The following DENND2B variants were observed in gnomAD, a reference collection of about 807,000 sequenced individuals.
The protein encoded by DENND2B is DENN domain-containing protein 2B.
Under a neutral mutation model 116.0 loss-of-function variants are expected in DENND2B, and 32 were observed. That is an observed-to-expected ratio of 0.28 (90% confidence interval 0.21 to 0.37). DENND2B has a LOEUF of 0.37. Among genes scored for constraint, DENND2B ranks in the 10% least tolerant of loss-of-function variants. The probability of loss-of-function intolerance (pLI) is 1.00; values close to 1 mark genes in which losing one functional copy is unlikely to be tolerated. For synonymous variants in DENND2B, 588 were observed against 583.9 expected, an observed-to-expected ratio of 1.01 and a Z score of -0.10; for missense variants, 1,276 against 1,477.7, an observed-to-expected ratio of 0.86 and a Z score of 2.24.
chr11:8,766,236 G>A (rs565687368), intron 1 of DENND2B, among the ~76,000 whole-genome samples: 6 of 152,248 alleles, frequency 3.9e-5, no homozygotes, highest in Admixed American at 3.3e-4. Context: ...GTGGGCAGGA[G>A]TCAACATTCA....
rs1216985764 is a variant in DENND2B at position 8,707,786 on chromosome 11, C to G, written c.2421G>C (p.Leu807Phe). ...TGCCAGAGCCTCTTACCTTGGAAAA[C>G]AAGCCGAAGCAGCCAAGGCGGCTGA... ...CVISRLGCFG[L>F]FSKVLDEVER... Residue 807 changes from leucine to phenylalanine, a missense_variant, in exon 12 of 20, where the codon TTG becomes TTC. Transcript: ENST00000313726. The surrounding 1 kb of genome is among the most constrained non-coding windows in gnomAD (Gnocchi z 4.8). The G allele has an allele frequency of 6.2e-7, 1 of 1,608,690 alleles. No individual in the cohort carries two copies. Among genetic ancestry groups the G allele is most frequent in the African/African-American group, 1.3e-5 (1 of 74,900 alleles).
At chr11:8,696,751 C>T in intron 17 of DENND2B, 85 bp from the exon 18 acceptor site, 1 of 1,552,678 alleles carries the variant, frequency 6.4e-7, no homozygotes, top group Non-Finnish European at 8.7e-7. Context: ...CTTCCTCTCC[C>T]CAACAAGACT....
At chr11:8,854,673 C>T (rs2063133099) in intron 3 of DENND2B, among the ~76,000 whole-genome samples, 1 of 152,132 alleles carries the variant, frequency 6.6e-6, no homozygotes, top group Non-Finnish European at 1.5e-5. Flanking sequence ...CCCAGGAGTT[C>T]AAGACCAGCC....
At chr11:8,711,988 A>G (rs1245106842) in intron 9 of DENND2B, 1 of 455,780 alleles carries the variant, frequency 2.2e-6, no homozygotes, top group African/African-American at 2.0e-5. Flanking sequence ...AGAGCCTGAG[A>G]AATGAGAAGG....
At chr11:8,862,205 A>G (rs2063416800) in intron 2 of DENND2B, among the ~76,000 whole-genome samples, 2 of 152,122 alleles carry the variant, frequency 1.3e-5, no homozygotes, top group Non-Finnish European at 2.9e-5. Context: ...TTTTTAAAAT[A>G]TAATAATAAT....
intron 1 of DENND2B, among the ~76,000 whole-genome samples, chr11:8,769,040 G>C (rs1454299343): frequency 1.3e-5 from 2 of 152,044 alleles, no homozygotes. Flanking sequence ...ATGTGGCTTA[G>C]AAGGGCCACA....
intron 1 of DENND2B, chr11:8,794,769 T>A (rs2059670187): frequency 6.6e-6 from 1 of 152,278 alleles, no homozygotes; most frequent in Middle Eastern, 3.2e-3. Flanking sequence ...CAAGGTCACC[T>A]GCTCAGGCAG....
chr11:8,714,649 T>G lies in DENND2B; in HGVS notation c.1903A>C (p.Lys635Gln), dbSNP rs1281100469. The change falls in exon 7 of 20, where the codon AAG becomes CAG. Residue 635 changes from lysine to glutamine, a missense_variant. Coordinates refer to ENST00000313726, the MANE Select transcript of DENND2B (RefSeq NM_213618.2). ...NAKRGKKRLK[K>Q]LSMSSIETAS... ...GTTTCAATGCTGGACATAGACAACT[T>G]TTTTAATCTCTTCTTTCCTCTCTTG... 6.2e-7 allele frequency: 1 copy of G among 1,614,108 alleles called. No homozygotes were observed. The highest frequency in any genetic ancestry group is 8.5e-7 in the Non-Finnish European group (1 of 1,180,060).
At chr11:8,847,577 T>TAGAAA (rs757726695) in intron 3 of DENND2B, among the ~76,000 whole-genome samples, 14 of 152,034 alleles carry the variant, frequency 9.2e-5, no homozygotes, top group African/African-American at 3.1e-4. Context: ...AGCTTAACGA[T>TAGAAA]AGAAAAGAAA....
intron 4 of DENND2B, among the ~76,000 whole-genome samples, chr11:8,820,177 G>C (rs1343935285): frequency 1.3e-5 from 2 of 152,160 alleles, no homozygotes; most frequent in Non-Finnish European, 2.9e-5. Context: ...TAGTAAAATA[G>C]GGAAATGTTC....
chr11:8,797,250 C>T (rs2059894819), intron 1 of DENND2B, among the ~76,000 whole-genome samples: 1 of 152,180 alleles, frequency 6.6e-6, no homozygotes, highest in South Asian at 2.1e-4. Context: ...TAACACAATG[C>T]TTAGAACAGA....
At chr11:8,764,859 C>T (rs1236109915) in intron 1 of DENND2B, among the ~76,000 whole-genome samples, 2 of 146,086 alleles carry the variant, frequency 1.4e-5, no homozygotes, top group Admixed American at 7.2e-5. Context: ...GCAGGAGAAT[C>T]GCTTGAACCC....
chr11:8,817,457 T>C (rs1040106827), intron 4 of DENND2B, among the ~76,000 whole-genome samples: 10 of 152,232 alleles, frequency 6.6e-5, no homozygotes, highest in African/African-American at 2.4e-4. Flanking sequence ...CAAGTCCTAG[T>C]GTTTTATGAT....
At chr11:8,709,949 C>A (rs1390816829) in intron 11 of DENND2B, among the ~76,000 whole-genome samples, 1 of 152,174 alleles carries the variant, frequency 6.6e-6, no homozygotes, top group Non-Finnish European at 1.5e-5. Context: ...TTAAACTCAT[C>A]TTTATATGAG....
intron 1 of DENND2B, among the ~76,000 whole-genome samples, chr11:8,894,432 A>C (rs2064074185): frequency 6.6e-6 from 1 of 152,258 alleles, no homozygotes; most frequent in Admixed American, 6.5e-5. Context: ...TCTGCACAGC[A>C]AAAGAAACTA....
intron 1 of DENND2B, among the ~76,000 whole-genome samples, chr11:8,893,552 T>A (rs1001892063): frequency 9.9e-5 from 15 of 152,168 alleles, no homozygotes; most frequent in Non-Finnish European, 1.5e-4. Context: ...CAGCAAAGTC[T>A]CAGGATACAA....
chr11:8,893,132 A>G (rs2064055195), intron 1 of DENND2B, among the ~76,000 whole-genome samples: 2 of 152,310 alleles, frequency 1.3e-5, no homozygotes, highest in African/African-American at 2.4e-5. Flanking sequence ...TATAAACAGA[A>G]CCAAAGACAA....
intron 16 of DENND2B, chr11:8,697,846 G>C: frequency 1.7e-6 from 1 of 585,544 alleles, no homozygotes. Flanking sequence ...AAGTGGTAGA[G>C]GGTCAGGCGC....
intron 3 of DENND2B, among the ~76,000 whole-genome samples, chr11:8,841,307 A>G (rs1339087339): frequency 6.6e-6 from 1 of 151,968 alleles, no homozygotes; most frequent in Non-Finnish European, 1.5e-5. Flanking sequence ...TTTTTCCTAT[A>G]TTGGTCCAAA....
Sources: gnomAD v4.1 joint callset for allele counts (sites outside exome capture counted in the v4.1 genomes callset) on GRCh38, gnomAD v4.1.1 for gene constraint, Gnocchi (gnomAD v3.1) non-coding constraint, MANE v1.5 for transcripts, NCBI Gene and HGNC (gene_info 2026-07-23, HGNC 2026-07-21) for gene names.